CALN1: variants seen among roughly 807,000 people sequenced by gnomAD.
The protein encoded by CALN1 is calneuron 1, also known as calcium-binding protein 8.
In CALN1, 17 loss-of-function variants were observed where a neutral mutation model predicts 30.6. That is an observed-to-expected ratio of 0.56 (90% CI 0.38 to 0.83). The LOEUF is 0.83. CALN1 is among the 40% of genes least tolerant of loss of function. The probability of loss-of-function intolerance (pLI) is 0.00; values close to 1 mark genes in which losing one functional copy is unlikely to be tolerated. For missense variants in CALN1, 291 were observed against 354.9 expected, an observed-to-expected ratio of 0.82 and a Z score of 1.45; for synonymous variants, 156 against 131.4, an observed-to-expected ratio of 1.19 and a Z score of -1.28.
At chr7:72,337,250 G>A in intron 2 of CALN1, 4 of 985,194 alleles carry the variant, frequency 4.1e-6, no homozygotes, top group Non-Finnish European at 4.8e-6. Context: ...CGCTCTGCCG[G>A]CGCCCGCGTT....
rs1554378748 is a variant in CALN1 at position 72,338,525 on chromosome 7, G to GTCTGTCTGTC, written c.120-59716_120-59715insGACAGACAGA. Among the ~76,000 whole-genome samples, 504 of 122,370 alleles carry GTCTGTCTGTC rather than the reference G, an allele frequency of 4.1e-3. 19 individuals carry two copies. Among genetic ancestry groups the GTCTGTCTGTC allele is most frequent in the African/African-American group, 0.015 (468 of 32,086 alleles). The allele number at this position is 122,370 out of a possible 152,430, so 80.3% of individuals were successfully genotyped here. On this transcript the variant is annotated intron_variant, in intron 2 of 6. Coordinates refer to ENST00000395275, the MANE Select transcript of CALN1 (RefSeq NM_031468.4). ...TGTGTGTGTGTGTGTGTGTGTGTGT[G>GTCTGTCTGTC]TGTCTCACCTGGGTGTGGTTTCAGA...
chr7:71,817,743 T>A (rs527916160), intron 5 of CALN1, among the ~76,000 whole-genome samples: 13 of 152,170 alleles, frequency 8.5e-5, no homozygotes, highest in Non-Finnish European at 1.2e-4. Context: ...CTCGATCTCC[T>A]GACCTTGTAA....
chr7:71,986,419 C>T (rs1798676491), intron 5 of CALN1, among the ~76,000 whole-genome samples: 1 of 152,164 alleles, frequency 6.6e-6, no homozygotes, highest in African/African-American at 2.4e-5. Flanking sequence ...CAGCTCATTG[C>T]AGTCTTACAC....
intron 2 of CALN1, among the ~76,000 whole-genome samples, chr7:72,318,553 T>C (rs2129557046): frequency 6.6e-6 from 1 of 152,224 alleles, no homozygotes; most frequent in Middle Eastern, 3.4e-3. Flanking sequence ...ACTTCATTTT[T>C]CTTTTGAGAT....
At chr7:71,936,387 G>A (rs956049475) in intron 5 of CALN1, among the ~76,000 whole-genome samples, 5 of 137,406 alleles carry the variant, frequency 3.6e-5, no homozygotes, top group Non-Finnish European at 7.6e-5. Context: ...GCGACTGAGC[G>A]AGACTCAGTC....
intron 4 of CALN1, among the ~76,000 whole-genome samples, chr7:72,076,176 T>C (rs1804711780): frequency 1.3e-5 from 2 of 152,032 alleles, no homozygotes; most frequent in African/African-American, 4.8e-5. Context: ...AAAGAGCTAA[T>C]GCATGCTGGA....
At chr7:72,183,772 A>T (rs1789984500) in intron 3 of CALN1, among the ~76,000 whole-genome samples, 1 of 152,182 alleles carries the variant, frequency 6.6e-6, no homozygotes, top group Non-Finnish European at 1.5e-5. Context: ...CCATTTTTGA[A>T]TGTTAATGTT....
chr7:72,331,705 T>C (rs917423100), intron 2 of CALN1, among the ~76,000 whole-genome samples: 1 of 152,216 alleles, frequency 6.6e-6, no homozygotes, highest in African/African-American at 2.4e-5. Context: ...TTCCAAGTTT[T>C]ATCTTAAGTT....
intron 2 of CALN1, among the ~76,000 whole-genome samples, chr7:72,347,247 T>C (rs1382945599): frequency 4.6e-5 from 7 of 151,372 alleles, no homozygotes; most frequent in African/African-American, 1.2e-4. Context: ...TTTTTTTTTT[T>C]CCTTTTTTCT....
chr7:72,428,218 G>A (rs1378795097), intron 1 of CALN1, among the ~76,000 whole-genome samples: 2 of 152,136 alleles, frequency 1.3e-5, no homozygotes, highest in Non-Finnish European at 2.9e-5. Flanking sequence ...TCACAGAGTA[G>A]CTCATATTTG....
At chr7:71,821,029 C>T (rs957436622) in intron 5 of CALN1, among the ~76,000 whole-genome samples, 5 of 152,092 alleles carry the variant, frequency 3.3e-5, no homozygotes, top group South Asian at 2.1e-4. Context: ...AAAGGCTACA[C>T]GTTAAATTTT....
rs532402757 is a variant in CALN1 at position 72,296,040 on chromosome 7, C to G, written c.120-17230G>C. On this transcript the variant is annotated intron_variant, in intron 2 of 6. Coordinates refer to ENST00000395275, the MANE Select transcript of CALN1 (RefSeq NM_031468.4). ...GTTATTATTTTGAAATACATCCCAT[C>G]AATACCTAATTTACTGAGAGTTTTT... Among the ~76,000 whole-genome samples, 3 of 152,270 alleles carry G rather than the reference C, an allele frequency of 2.0e-5. No individual in the cohort carries two copies. In the East Asian group the frequency reaches 5.8e-4, roughly 29 times the overall value.
chr7:72,356,500 A>G (rs187270802), intron 2 of CALN1, among the ~76,000 whole-genome samples: 11 of 152,064 alleles, frequency 7.2e-5, no homozygotes, highest in Middle Eastern at 3.4e-3. Flanking sequence ...TGGGTCAAGG[A>G]TACACACTGC....
the CALN1 span, among the ~76,000 whole-genome samples, chr7:72,462,154 T>TTATG: frequency 8.0e-3 from 1,214 of 151,484 alleles, 10 homozygotes; most frequent in South Asian, 0.03. Flanking sequence ...TTTATTTAAT[T>TTATG]TATGTATGTA....
intron 5 of CALN1, among the ~76,000 whole-genome samples, chr7:71,939,094 A>G (rs960856085): frequency 2.6e-5 from 4 of 152,184 alleles, no homozygotes; most frequent in Non-Finnish European, 5.9e-5. Flanking sequence ...AAGAGGGCAG[A>G]CTAAAGACAG....
chr7:71,801,209 A>G lies in CALN1; in HGVS notation c.658+9127T>C, dbSNP rs577292100. The stretch of plus-strand genomic sequence containing the variant: ...GTACCACATTTTCTTCATCCAGTTA[A>G]AATTCTTTTTATAAAAACATTGAGA... On this transcript the variant is annotated intron_variant, in intron 6 of 6. Coordinates refer to ENST00000395275, the MANE Select transcript of CALN1 (RefSeq NM_031468.4). Among the ~76,000 whole-genome samples the G allele has an allele frequency of 2.2e-3, 341 of 152,096 alleles. 3 individuals are homozygous for G. The highest frequency in any genetic ancestry group is 4.0e-3 in the Non-Finnish European group (274 of 67,988).
chr7:71,931,061 A>G (rs781033625), intron 5 of CALN1, among the ~76,000 whole-genome samples: 1 of 152,236 alleles, frequency 6.6e-6, no homozygotes, highest in Non-Finnish European at 1.5e-5. Flanking sequence ...GAGGTACTTA[A>G]TAAGAGAGAA....
In CALN1 at chr7:72,079,761, CTTTTTTTTTTT is replaced by C. The variant is rs3065015; in HGVS notation, c.388+26379_388+26389del. Among the ~76,000 whole-genome samples the C allele has an allele frequency of 6.0e-3, 629 of 104,050 alleles. 5 individuals carry two copies. Among genetic ancestry groups the C allele is most frequent in the African/African-American group, 0.023 (575 of 25,066 alleles). 68.3% of individuals were successfully genotyped at this position (104,050 alleles called of 152,430 possible). Reference sequence around the variant, plus strand: ...AAATGCCCAAGAGGTTGCCTTTTTCCTTTTTTTTTTTTTTTTTTTTTTTTTTGGAGACAAGG... The same window carrying C: ...AAATGCCCAAGAGGTTGCCTTTTTCCTTTTTTTTTTTTTTTGGAGACAAGG... On this transcript the variant is annotated intron_variant, in intron 4 of 6. Transcript: ENST00000395275.
intron 2 of CALN1, among the ~76,000 whole-genome samples, chr7:72,357,537 T>C (rs1803306812): frequency 1.3e-5 from 2 of 151,900 alleles, no homozygotes; most frequent in Admixed American, 1.3e-4. Context: ...AGGGCTGCCT[T>C]GATCTTACCA....
Sources: allele counts gnomAD v4.1 joint callset (sites outside exome capture counted in the v4.1 genomes callset), GRCh38; gene constraint gnomAD v4.1.1; transcripts MANE v1.5; gene names NCBI Gene and HGNC (gene_info 2026-07-23, HGNC 2026-07-21).